The following VTCN1 variants were observed in gnomAD, a reference collection of about 807,000 sequenced individuals.
VTCN1 encodes the protein V-set domain containing T cell activation inhibitor 1, also known as V-set domain-containing T-cell activation inhibitor 1.
In VTCN1, 26 loss-of-function variants were observed where a neutral mutation model predicts 26.5. That is an observed-to-expected ratio of 0.98 (90% CI 0.72 to 1.36). The LOEUF (loss-of-function observed/expected upper bound fraction) is 1.36. VTCN1 is among the 40% of genes most tolerant of loss of function. The pLI, the probability that VTCN1 is intolerant of heterozygous loss-of-function variation, is 0.00. For synonymous variants in VTCN1, 116 were observed against 130.7 expected (o/e 0.89, Z 0.77); for missense variants, 298 against 337.7 (o/e 0.88, Z 0.92).
At chr1:117,203,471 C>T (rs576889387) in intron 1 of VTCN1, 47 of 341,182 alleles carry the variant, frequency 1.4e-4, no homozygotes, top group Non-Finnish European at 2.0e-4. Context: ...AGAGGAAAAA[C>T]TGCCTGCCCT....
intron 1 of VTCN1, among the ~76,000 whole-genome samples, chr1:117,192,973 TA>T (rs1648317739): frequency 6.6e-6 from 1 of 152,050 alleles, no homozygotes; most frequent in East Asian, 1.9e-4. Flanking sequence ...ATTAATATAT[TA>T]GGAAGAAAAC....
chr1:117,156,831 T>C lies in VTCN1; in HGVS notation c.188A>G (p.Lys63Arg). ...ILSCTFEPDI[K>R]LSDIVIQWLK... is the part of the protein sequence containing the mutation. The stretch of plus-strand genomic sequence containing the variant: ...CCATTGTATCACGATATCAGAAAGT[T>C]TGATGTCAGGTTCAAAAGTGCAGCT... The change falls in exon 3 of 6, where the codon AAA (lysine) becomes AGA (arginine). Residue 63 changes from lysine (K) to arginine (R), a missense_variant. Coordinates refer to ENST00000369458, the MANE Select transcript of VTCN1 (RefSeq NM_024626.4). 6.2e-7 allele frequency: 1 copy of C among 1,614,028 alleles called. No homozygotes were observed. The highest frequency in any genetic ancestry group is 8.5e-7 in the Non-Finnish European group (1 of 1,180,014).
At chr1:117,192,090 A>C (rs1648275019) in intron 1 of VTCN1, among the ~76,000 whole-genome samples, 2 of 152,046 alleles carry the variant, frequency 1.3e-5, no homozygotes, top group Admixed American at 6.6e-5. Context: ...ATATTACTCC[A>C]AGACACATTA....
Position 117,170,269 on chromosome 1 carries a change from T to C in VTCN1, c.33-98A>G, listed in dbSNP as rs1213364226. 9.5e-6 allele frequency: 11 copies of C among 1,158,618 alleles called. No homozygotes were observed. In the African/African-American group the frequency reaches 1.1e-4, roughly 11 times the overall value. 71.8% of individuals were successfully genotyped at this position (1,158,618 alleles called of 1,614,324 possible). On this transcript the variant is annotated intron_variant, in intron 1 of 5. Coordinates refer to ENST00000369458, the MANE Select transcript of VTCN1 (RefSeq NM_024626.4). ...CAAATCTGTTGTGGATAAGATGAGT[T>C]ACATAAAGCATCTCAACTTTTTCTT...
chr1:117,186,089 G>C (rs908833473), intron 1 of VTCN1, among the ~76,000 whole-genome samples: 2 of 152,164 alleles, frequency 1.3e-5, no homozygotes, highest in African/African-American at 4.8e-5. Flanking sequence ...CTGCTTCACT[G>C]TTCTGAAATA....
intron 1 of VTCN1, among the ~76,000 whole-genome samples, chr1:117,171,035 G>C (rs1278087410): frequency 1.3e-5 from 2 of 149,978 alleles, no homozygotes; most frequent in African/African-American, 4.9e-5. Context: ...CCCAGTGTGT[G>C]ATGTTCCCCT....
chr1:117,173,057 C>T (rs1653007931), intron 1 of VTCN1: 2 of 679,894 alleles, frequency 2.9e-6, no homozygotes, highest in South Asian at 1.6e-5. Flanking sequence ...CCTTTATGAG[C>T]TGTAACACTT....
At chr1:117,195,114 C>T (rs7552593) in intron 1 of VTCN1, among the ~76,000 whole-genome samples, 34,120 of 151,436 alleles carry the variant, frequency 0.23, 5,197 homozygotes, top group African/African-American at 0.43. Context: ...ATACAAAAAT[C>T]AGCCAGGCAT....
intron 4 of VTCN1, among the ~76,000 whole-genome samples, chr1:117,152,109 A>G (rs1651831650): frequency 1.3e-5 from 2 of 152,138 alleles, no homozygotes; most frequent in South Asian, 4.1e-4. Flanking sequence ...TCTGGATTGA[A>G]ACCCCTTAAA....
chr1:117,176,172 C>T (rs1459476895), intron 1 of VTCN1, among the ~76,000 whole-genome samples: 1 of 152,182 alleles, frequency 6.6e-6, no homozygotes, highest in Non-Finnish European at 1.5e-5. Flanking sequence ...TATATTGTTT[C>T]TCATTCAACC....
intron 1 of VTCN1, among the ~76,000 whole-genome samples, chr1:117,209,347 T>C (rs1649246458): frequency 6.6e-6 from 1 of 152,086 alleles, no homozygotes; most frequent in Non-Finnish European, 1.5e-5. Flanking sequence ...GGAGGAGTGT[T>C]TCATGTCCTT....
chr1:117,153,339 T>G lies in VTCN1; in HGVS notation c.476A>C (p.Tyr159Ser), dbSNP rs199701662. 94 of 1,611,934 alleles carry G rather than the reference T, an allele frequency of 5.8e-5. 1 individual carries two copies. Among genetic ancestry groups the G allele is most frequent in the Non-Finnish European group, 6.8e-6 (8 of 1,178,340 alleles). Reference protein sequence around the residue: ...AFSMPEVNVDYNASSETLRCE... With the variant: ...AFSMPEVNVDSNASSETLRCE... Reference sequence around the variant, plus strand: ...CCGCAAGGTCTCTGAGCTGGCATTATAGTCCACATTCACTTCCGGCATGCT... The same window carrying G: ...CCGCAAGGTCTCTGAGCTGGCATTAGAGTCCACATTCACTTCCGGCATGCT... Residue 159 changes from tyrosine to serine, a missense_variant, in exon 4 of 6, where the codon TAT becomes TCT. Coordinates refer to ENST00000369458, the MANE Select transcript of VTCN1 (RefSeq NM_024626.4).
At chr1:117,178,000 G>A (rs1003451567) in intron 1 of VTCN1, among the ~76,000 whole-genome samples, 3 of 149,238 alleles carry the variant, frequency 2.0e-5, no homozygotes, top group Non-Finnish European at 4.4e-5. Context: ...GTGCAGTGGT[G>A]CGATGGTGGG....
rs573938114 is a variant in VTCN1, at chr1:117,174,222, C to T, written c.33-4051G>A. Among the ~76,000 whole-genome samples the T allele has an allele frequency of 5.7e-4, 87 of 152,286 alleles. No individual in the cohort carries two copies. In the South Asian group the frequency reaches 0.017, roughly 31 times the overall value. The stretch of plus-strand genomic sequence containing the variant: ...CTTCTAACCACTGCATTGGGATTCA[C>T]AGTGTACTTTTGGTACCCACTCATT... On this transcript the variant is annotated intron_variant, in intron 1 of 5. Coordinates refer to ENST00000369458, the MANE Select transcript of VTCN1 (RefSeq NM_024626.4).
chr1:117,146,675 T>C lies in VTCN1; in HGVS notation c.*45+938A>G, dbSNP rs1177850125. Among the ~76,000 whole-genome samples the C allele has an allele frequency of 1.3e-5, 2 of 152,118 alleles. No individual in the cohort carries two copies. The highest frequency in any genetic ancestry group is 4.8e-5 in the African/African-American group (2 of 41,428). ...AGTAATGGTAGTTAGCAGGTAGTGG[T>C]AGGCAGCAGTAGTGGTAGGTAGTAA... On this transcript the variant is annotated intron_variant, in intron 5 of 5. Transcript: ENST00000369458. The surrounding 1 kb of genome is among the most constrained non-coding windows in gnomAD (Gnocchi z 4.2).
intron 1 of VTCN1, among the ~76,000 whole-genome samples, chr1:117,174,094 A>G (rs567422459): frequency 2.0e-5 from 3 of 152,326 alleles, no homozygotes; most frequent in Admixed American, 2.0e-4. Flanking sequence ...AGATGAAAAA[A>G]ATATTTCACT....
At chr1:117,148,374 A>C (rs562180964) in intron 4 of VTCN1, among the ~76,000 whole-genome samples, 52 of 152,344 alleles carry the variant, frequency 3.4e-4, no homozygotes, top group African/African-American at 1.2e-3. Context: ...TAGGGCTAGA[A>C]TACTAATAAC....
At position 117,147,323 on chromosome 1, in the gene VTCN1, C is replaced by T. The variant is rs75476320; in HGVS notation, c.*45+290G>A. ...TACTCAGGGCTAAATATCTCTTTCTCTTCAATAAGTTATTTTGCCTTCATT... is the reference window on the plus strand; with the variant it reads ...TACTCAGGGCTAAATATCTCTTTCTTTTCAATAAGTTATTTTGCCTTCATT... On this transcript the variant is annotated intron_variant, in intron 5 of 5. Coordinates refer to ENST00000369458, the MANE Select transcript of VTCN1 (RefSeq NM_024626.4). This position sits in a 1 kb window ranked among gnomAD's most constrained non-coding sequence, Gnocchi z 4.6. Among the ~76,000 whole-genome samples, 8,295 of 152,228 alleles carry T rather than the reference C, an allele frequency of 0.054. 276 individuals carry two copies. The highest frequency in any genetic ancestry group is 0.081 in the South Asian group (389 of 4,820).
intron 2 of VTCN1, among the ~76,000 whole-genome samples, chr1:117,164,225 C>T (rs1160606401): frequency 1.3e-5 from 2 of 152,112 alleles, no homozygotes; most frequent in African/African-American, 2.4e-5. Context: ...GGAGATGGCA[C>T]AGATCTCTAG....
Sources: allele counts gnomAD v4.1 joint callset (sites outside exome capture counted in the v4.1 genomes callset), GRCh38; gene constraint gnomAD v4.1.1; non-coding constraint Gnocchi (gnomAD v3.1); transcripts MANE v1.5; gene names NCBI Gene and HGNC (gene_info 2026-07-23, HGNC 2026-07-21).